Variants in LRBA observed in about 807,000 individuals in gnomAD.
The protein encoded by LRBA is lipopolysaccharide-responsive and beige-like anchor protein.
LRBA carries 176 observed loss-of-function variants against 330.0 expected under a neutral mutation model. The ratio of observed to expected loss-of-function variants is 0.53; its 90% CI spans 0.47 to 0.60. The LOEUF (loss-of-function observed/expected upper bound fraction) is 0.60. LRBA is among the 20% of genes least tolerant of loss of function. The probability of loss-of-function intolerance (pLI) is 0.00; values close to 1 mark genes in which losing one functional copy is unlikely to be tolerated. For missense variants in LRBA, 3,259 were observed against 3,444.8 expected (o/e 0.95, Z 1.35); for synonymous variants, 1,230 against 1,193.0 (o/e 1.03, Z -0.64).
intron 37 of LRBA, among the ~76,000 whole-genome samples, chr4:150,657,523 A>C (rs1192276150): frequency 6.6e-6 from 1 of 152,022 alleles, no homozygotes; most frequent in Admixed American, 6.6e-5. Context: ...GTTAAAAAAC[A>C]AATTTTTTAT....
intron 30 of LRBA, among the ~76,000 whole-genome samples, chr4:150,826,613 T>C (rs1446331327): frequency 1.3e-5 from 2 of 152,168 alleles, no homozygotes; most frequent in Non-Finnish European, 2.9e-5. Context: ...ACCTTATCAG[T>C]AAGAGATTAA....
At chr4:150,486,316 T>C (rs935850710) in intron 42 of LRBA, among the ~76,000 whole-genome samples, 4 of 151,936 alleles carry the variant, frequency 2.6e-5, no homozygotes, top group African/African-American at 9.7e-5. Context: ...AGTATTGCTT[T>C]TTTATGCAAT....
intron 52 of LRBA, 64 bp from the exon 53 acceptor site, chr4:150,302,856 T>TAA: frequency 8.0e-7 from 1 of 1,251,988 alleles, no homozygotes; most frequent in Non-Finnish European, 1.1e-6. Flanking sequence ...AGTGAACAGA[T>TAA]AACTTGTAAA....
chr4:150,746,870 A>G (rs1732807609), intron 35 of LRBA, among the ~76,000 whole-genome samples: 2 of 152,136 alleles, frequency 1.3e-5, no homozygotes, highest in South Asian at 4.1e-4. Flanking sequence ...ACTGGAACTC[A>G]GGATCATGTC....
intron 31 of LRBA, among the ~76,000 whole-genome samples, chr4:150,809,887 TACG>T (rs1209731042): frequency 2.7e-5 from 4 of 148,490 alleles, no homozygotes; most frequent in African/African-American, 7.6e-5. Context: ...TACGATACGA[TACG>T]ATACGATACG....
At chr4:150,463,494 T>C (rs574769461) in intron 44 of LRBA, among the ~76,000 whole-genome samples, 1 of 152,168 alleles carries the variant, frequency 6.6e-6, no homozygotes, top group South Asian at 2.1e-4. Context: ...GTGGACATAT[T>C]TGGATAGAGG....
At chr4:150,654,464 C>G (rs996758079) in intron 37 of LRBA, among the ~76,000 whole-genome samples, 1 of 152,210 alleles carries the variant, frequency 6.6e-6, no homozygotes, top group Non-Finnish European at 1.5e-5. Context: ...GCTGGGATTG[C>G]AGGCACGAGG....
At chr4:150,842,915 TG>T (rs1749310866) in intron 28 of LRBA, among the ~76,000 whole-genome samples, 1 of 149,388 alleles carries the variant, frequency 6.7e-6, no homozygotes, top group Non-Finnish European at 1.5e-5. Flanking sequence ...AGAGGCGGGG[TG>T]GGGGTAGGGG....
At chr4:150,354,537 T>C (rs1434622418) in intron 47 of LRBA, among the ~76,000 whole-genome samples, 1 of 152,098 alleles carries the variant, frequency 6.6e-6, no homozygotes, top group Non-Finnish European at 1.5e-5. Context: ...TCCACTAAAA[T>C]GTCCAACACA....
chr4:150,440,572 T>C (rs1406210931), intron 44 of LRBA, among the ~76,000 whole-genome samples: 1 of 151,950 alleles, frequency 6.6e-6, no homozygotes, highest in Non-Finnish European at 1.5e-5. Flanking sequence ...GCCCAGGAGT[T>C]TGAGACCAGC....
At chr4:150,857,053 T>C (rs1021712858) in intron 22 of LRBA, among the ~76,000 whole-genome samples, 8 of 152,304 alleles carry the variant, frequency 5.3e-5, no homozygotes, top group Middle Eastern at 3.4e-3. Flanking sequence ...TGTTAGGCAA[T>C]GTTTAGCAAC....
intron 37 of LRBA, among the ~76,000 whole-genome samples, chr4:150,636,408 G>C (rs1450629601): frequency 6.6e-6 from 1 of 152,050 alleles, no homozygotes; most frequent in Non-Finnish European, 1.5e-5. Context: ...TTCTTTTCAA[G>C]CTGATTCTTT....
intron 40 of LRBA, among the ~76,000 whole-genome samples, chr4:150,544,127 CTT>C (rs869254893): frequency 1.4e-5 from 2 of 145,068 alleles, no homozygotes. Context: ...TTCTTCCTTT[CTT>C]TTTTTTTTTT....
chr4:150,506,844 A>C (rs1761155211), intron 40 of LRBA, among the ~76,000 whole-genome samples: 1 of 152,234 alleles, frequency 6.6e-6, no homozygotes, highest in African/African-American at 2.4e-5. Context: ...GTCTCAGGCC[A>C]AAATCTCCTT....
At chr4:150,618,844 G>GTA (rs1021135693) in intron 37 of LRBA, among the ~76,000 whole-genome samples, 3 of 46,364 alleles carry the variant, frequency 6.5e-5, no homozygotes, top group African/African-American at 9.1e-5. Flanking sequence ...GTATATGTGT[G>GTA]TATGTATATA....
chr4:150,717,278 T>A (rs1008108080), intron 36 of LRBA, among the ~76,000 whole-genome samples: 4 of 152,214 alleles, frequency 2.6e-5, no homozygotes, highest in Admixed American at 6.5e-5. Context: ...TGTTTATTTT[T>A]AAAAATTTAT....
At chr4:150,794,367 A>G (rs1473061616) in intron 34 of LRBA, among the ~76,000 whole-genome samples, 3 of 152,096 alleles carry the variant, frequency 2.0e-5, no homozygotes, top group African/African-American at 7.2e-5. Context: ...TCATAACTAT[A>G]GAAAAGAATA....
At chr4:150,689,630 G>A (rs1273819781) in intron 36 of LRBA, among the ~76,000 whole-genome samples, 1 of 152,078 alleles carries the variant, frequency 6.6e-6, no homozygotes, top group Non-Finnish European at 1.5e-5. Flanking sequence ...ACATTTAAGA[G>A]GAAATAATAC....
At chr4:150,513,573 T>TGTG (rs1355237431) in intron 40 of LRBA, among the ~76,000 whole-genome samples, 1 of 152,110 alleles carries the variant, frequency 6.6e-6, no homozygotes, top group Non-Finnish European at 1.5e-5. Context: ...AAACAACAGG[T>TGTG]GTGATTTCTT....
Sources: allele counts gnomAD v4.1 joint callset (sites outside exome capture counted in the v4.1 genomes callset), GRCh38; gene constraint gnomAD v4.1.1; transcripts MANE v1.5; gene names NCBI Gene and HGNC (gene_info 2026-07-23, HGNC 2026-07-21).